ZNF7: variants seen among roughly 807,000 people sequenced by gnomAD.
ZNF7 encodes zinc finger protein 7.
Under a neutral mutation model 12.0 loss-of-function variants are expected in ZNF7, and 10 were observed. The observed-to-expected ratio is 0.83, with a 90% CI of 0.51 to 1.42. The LOEUF is 1.42. Ranked by LOEUF, ZNF7 falls within the 40% of genes most tolerant of loss-of-function variation. The pLI, the probability that ZNF7 is intolerant of heterozygous loss-of-function variation, is 0.00. For synonymous variants in ZNF7, 334 were observed against 295.0 expected (o/e 1.13, Z -1.35); for missense variants, 854 against 837.2 (o/e 1.02, Z -0.25).
Position 144,829,064 on chromosome 8 carries a change from G to T in ZNF7, c.-24G>T. The T allele has an allele frequency of 6.2e-7, 1 of 1,614,028 alleles. No individual in the cohort carries two copies. The highest frequency in any genetic ancestry group is 8.5e-7 in the Non-Finnish European group (1 of 1,179,934). ...ACAGGTCTCTCGGCCAGAACACGTG[G>T]ATGCCCACCCACCACTGAGCCTCAT... On this transcript the variant is annotated 5_prime_UTR_variant, in exon 2 of 5. Coordinates refer to ENST00000532777, the MANE Select transcript of ZNF7 (RefSeq NM_003416.4).
intron 3 of ZNF7, among the ~76,000 whole-genome samples, chr8:144,830,356 C>A (rs1366749144): frequency 1.3e-5 from 2 of 152,178 alleles, no homozygotes; most frequent in Non-Finnish European, 2.9e-5. Context: ...GATAAGTGTA[C>A]AGTGGGAGGC....
At chr8:144,846,689 G>C (rs983773437), downstream of ZNF7, 2 of 153,750 alleles carry the variant, frequency 1.3e-5, no homozygotes, top group Admixed American at 6.4e-5. Context: ...GCCACGGAGG[G>C]ATGGGAGGAG....
intron 2 of ZNF7, 100 bp downstream of exon 2, chr8:144,829,190 C>G: frequency 2.5e-6 from 4 of 1,590,228 alleles, no homozygotes; most frequent in Non-Finnish European, 3.4e-6. Flanking sequence ...TTGGCCCTTG[C>G]TGGGCTTAGG....
At chr8:144,840,967 C>A (rs1232102801) in intron 4 of ZNF7, 2 of 205,264 alleles carry the variant, frequency 9.7e-6, no homozygotes, top group Non-Finnish European at 2.0e-5. Context: ...TGTACTGTTT[C>A]CTCGCCAGCT....
Position 144,843,070 on chromosome 8 carries a change from A to C in ZNF7, c.1963A>C (p.Ile655Leu). 6.2e-7 allele frequency: 1 copy of C among 1,614,084 alleles called. No homozygotes were observed. The highest frequency in any genetic ancestry group is 8.5e-7 in the Non-Finnish European group (1 of 1,180,004). The change falls in exon 5 of 5, where the codon ATT (isoleucine) becomes CTT (leucine). Residue 655 changes from isoleucine (I) to leucine (L), a missense_variant. Coordinates refer to ENST00000532777, the MANE Select transcript of ZNF7 (RefSeq NM_003416.4). ...TTCACACCTAATTATACACCAGAGAATTCACACCGGGGAGAAGCCTTATAA... is the reference window on the plus strand; with the variant it reads ...TTCACACCTAATTATACACCAGAGACTTCACACCGGGGAGAAGCCTTATAA... ...WRSHLIIHQR[I>L]HTGEKPYKCN...
At chr8:144,845,160 C>G (rs1392986116), downstream of ZNF7, among the ~76,000 whole-genome samples, 3 of 152,182 alleles carry the variant, frequency 2.0e-5, no homozygotes, top group East Asian at 1.9e-4. Context: ...AACTGAGGGT[C>G]TGAGATTTCA....
chr8:144,828,939 C>T lies in ZNF7; in HGVS notation c.-45-104C>T, dbSNP rs1298127347. ...AGCCCCATGTCCCTGCTAGAGAAAT[C>T]TGGGGCTGGAGGTAAAGGAGCAGAG... On this transcript the variant is annotated intron_variant, in intron 1 of 4. Transcript: ENST00000532777. 8 of 1,441,602 alleles carry T rather than the reference C, an allele frequency of 5.5e-6. 1 individual carries two copies. The highest frequency in any genetic ancestry group is 3.8e-5 in the South Asian group (3 of 78,062). 89.3% of individuals were successfully genotyped at this position (1,441,602 alleles called of 1,614,324 possible).
At chr8:144,846,008 G>T (rs1830494424), downstream of ZNF7, 3 of 1,536,438 alleles carry the variant, frequency 2.0e-6, no homozygotes, top group East Asian at 7.3e-5. Context: ...CATGGGACAA[G>T]AGCCAAGGCA....
chr8:144,843,450 T>A lies in ZNF7; in HGVS notation c.*282T>A, dbSNP rs183377118. 24 of 255,208 alleles carry A rather than the reference T, an allele frequency of 9.4e-5. 1 individual carries two copies. The South Asian group carries it at 1.7e-3, about 18-fold the overall frequency. 15.8% of individuals were successfully genotyped at this position (255,208 alleles called of 1,614,324 possible). A position where few individuals can be genotyped will look rare whatever the true frequency, so the allele number is the denominator to read the frequency against. ...AAAAATACAAAAATTTAGCTGGGCG[T>A]GGTGGCAGGCACCTGTGGTCCCAGC... is the stretch of plus-strand genomic sequence containing the variant. On this transcript the variant is annotated 3_prime_UTR_variant, in exon 5 of 5. Transcript: ENST00000532777.
intron 4 of ZNF7, among the ~76,000 whole-genome samples, chr8:144,839,859 G>T (rs539238457): frequency 6.6e-6 from 1 of 152,210 alleles, no homozygotes; most frequent in South Asian, 2.1e-4. Context: ...GACCACCACC[G>T]TGCCCCCTGC....
At chr8:144,839,287 G>A (rs374592496) in intron 4 of ZNF7, among the ~76,000 whole-genome samples, 4 of 152,322 alleles carry the variant, frequency 2.6e-5, no homozygotes, top group African/African-American at 7.2e-5. Flanking sequence ...GCCTCTTCAC[G>A]CCCTGTGGGC....
chr8:144,827,591 CG>C lies in ZNF7; in HGVS notation c.-61del, dbSNP rs1827908610. On this transcript the variant is annotated 5_prime_UTR_variant, in exon 1 of 5. Transcript: ENST00000532777. ...GGCGGCGTCGCGCGTTTGCGAGCCTCGGGTGGTCCTCAGGGAGGGTGAGTCG... is the reference window on the plus strand; with the variant it reads ...GGCGGCGTCGCGCGTTTGCGAGCCTCGGTGGTCCTCAGGGAGGGTGAGTCG... 1.0e-6 allele frequency: 1 copy of C among 985,722 alleles called. No individual in the cohort carries two copies. Among genetic ancestry groups the C allele is most frequent in the African/African-American group, 1.7e-5 (1 of 57,254 alleles). 61.1% of individuals were successfully genotyped at this position (985,722 alleles called of 1,614,324 possible). A position where few individuals can be genotyped will look rare whatever the true frequency, so the allele number is the denominator to read the frequency against.
intron 4 of ZNF7, among the ~76,000 whole-genome samples, chr8:144,837,820 C>G (rs185697119): frequency 6.6e-6 from 1 of 152,180 alleles, no homozygotes; most frequent in Non-Finnish European, 1.5e-5. Context: ...AGCAAAGATA[C>G]AAACCTATGG....
Position 144,843,138 on chromosome 8 carries a change from T to A in ZNF7, c.2031T>A (p.Leu677=), listed in dbSNP as rs1830187708. Residue 677 remains leucine, a synonymous_variant, in exon 5 of 5, where the codon CTT becomes CTA. Transcript: ENST00000532777. Reference sequence around the variant, plus strand: ...AAGCTTTTAATCGTAGCTCAAGGCTTACCCAGCATCAAAAAATTCACATGG... The same window carrying A: ...AAGCTTTTAATCGTAGCTCAAGGCTAACCCAGCATCAAAAAATTCACATGG... The part of the protein sequence containing the change: ...CGKAFNRSSR[L]TQHQKIHMG The A allele has an allele frequency of 3.8e-6, 6 of 1,596,012 alleles. No homozygotes were observed. Among genetic ancestry groups the A allele is most frequent in the South Asian group, 1.1e-5 (1 of 88,184 alleles).
chr8:144,828,139 T>C lies in ZNF7; in HGVS notation c.-46+530T>C, dbSNP rs186654061. On this transcript the variant is annotated intron_variant, in intron 1 of 4. Transcript: ENST00000532777. ...CCAGGTGGGGGGATCAGCCTACCTG[T>C]GCCGGTGACCTGGGGCTTCCACCCA... 1.9e-3 allele frequency: 282 copies of C among 152,376 alleles called. 1 individual carries two copies. Among genetic ancestry groups the C allele is most frequent in the Middle Eastern group, 6.8e-3 (2 of 294 alleles). The allele number at this position is 152,376 out of a possible 1,614,324, so 9.4% of individuals were successfully genotyped here.
chr8:144,829,747 G>A, intron 3 of ZNF7, 143 bp downstream of exon 3: 2 of 1,131,524 alleles, frequency 1.8e-6, no homozygotes, highest in Non-Finnish European at 1.2e-6. Context: ...TGAGTGGTGT[G>A]CCAGGCTGGT....
Position 144,842,265 on chromosome 8 carries a change from G to A in ZNF7, c.1158G>A (p.Gly386=). 1 of 1,614,026 alleles carries A rather than the reference G, an allele frequency of 6.2e-7. No individual in the cohort carries two copies. The highest frequency in any genetic ancestry group is 8.5e-7 in the Non-Finnish European group (1 of 1,180,034). ...TLAQHQRMHT[G]EKAQILKASD... Reference sequence around the variant, plus strand: ...CCCAGCATCAAAGGATGCATACTGGGGAGAAAGCTCAAATTCTAAAAGCCT... The same window carrying A: ...CCCAGCATCAAAGGATGCATACTGGAGAGAAAGCTCAAATTCTAAAAGCCT... Residue 386 remains glycine, a synonymous_variant, in exon 5 of 5, where the codon GGG becomes GGA. Transcript: ENST00000532777.
At chr8:144,846,638 T>C (rs78107362), downstream of ZNF7, 304 of 159,160 alleles carry the variant, frequency 1.9e-3, no homozygotes, top group Non-Finnish European at 3.4e-3. Flanking sequence ...GTCAGTTCAA[T>C]AGAAGTAAAC....
intron 3 of ZNF7, chr8:144,831,085 C>T (rs1323132678): frequency 2.4e-5 from 11 of 454,764 alleles, no homozygotes; most frequent in South Asian, 1.4e-4. Context: ...AGCTTTCTTG[C>T]TTGGCATGTA....
Sources: allele counts gnomAD v4.1 joint callset (sites outside exome capture counted in the v4.1 genomes callset), GRCh38; gene constraint gnomAD v4.1.1; transcripts MANE v1.5; gene names NCBI Gene and HGNC (gene_info 2026-07-23, HGNC 2026-07-21).